JPT1: variants seen among roughly 807,000 people sequenced by gnomAD.
The protein encoded by JPT1 is androgen-regulated protein 2.
A neutral mutation model predicts 17.0 loss-of-function variants in JPT1; 5 were observed. The ratio of observed to expected loss-of-function variants is 0.29; its 90% CI spans 0.15 to 0.62. JPT1 has a LOEUF of 0.62. Among genes scored for constraint, JPT1 ranks in the 20% least tolerant of loss-of-function variants. The pLI is 0.85. For missense variants in JPT1, 158 were observed against 188.1 expected (o/e 0.84, Z 0.94); for synonymous variants, 71 against 73.6 (o/e 0.96, Z 0.18).
At chr17:75,151,736 G>A (rs1304205972) in intron 1 of JPT1, among the ~76,000 whole-genome samples, 4 of 152,218 alleles carry the variant, frequency 2.6e-5, no homozygotes, top group South Asian at 2.1e-4. Context: ...TTGGGAGGCC[G>A]AGGCGGGCGG....
At chr17:75,151,273 C>CT (rs2074548065) in intron 1 of JPT1, among the ~76,000 whole-genome samples, 1 of 150,542 alleles carries the variant, frequency 6.6e-6, no homozygotes, top group African/African-American at 2.4e-5. Flanking sequence ...GAGGCGGAGC[C>CT]TACAGTAAGC....
intron 1 of JPT1, 69 bp downstream of exon 1, chr17:75,154,273 G>C (rs2074600080): frequency 7.8e-7 from 1 of 1,281,108 alleles, no homozygotes; most frequent in Admixed American, 3.1e-5. Context: ...ACCGGCGCGA[G>C]GCCCCGCCGG....
At chr17:75,137,849 T>C (rs2074236738) in intron 4 of JPT1, among the ~76,000 whole-genome samples, 1 of 151,824 alleles carries the variant, frequency 6.6e-6, no homozygotes, top group Non-Finnish European at 1.5e-5. Context: ...GGTTTCGCCA[T>C]GTTGGCCAGG....
rs143070420 is a variant in JPT1, at chr17:75,151,598, G to A, written c.56+2744C>T. 7.8e-3 allele frequency among the ~76,000 whole-genome samples: 1,187 copies of A among 152,138 alleles called. 16 individuals carry two copies. Among genetic ancestry groups the A allele is most frequent in the African/African-American group, 0.027 (1,124 of 41,490 alleles). On this transcript the variant is annotated intron_variant, in intron 1 of 4. Coordinates refer to ENST00000409753, the MANE Select transcript of JPT1 (RefSeq NM_016185.4). Reference sequence around the variant, plus strand: ...AATCGCTTGAACCCGGGAGGCAGAGGTTGCAGTGAGCCAGAGATCATGCCA... The same window carrying A: ...AATCGCTTGAACCCGGGAGGCAGAGATTGCAGTGAGCCAGAGATCATGCCA...
chr17:75,139,029 T>C (rs1398160567), intron 4 of JPT1, among the ~76,000 whole-genome samples: 5 of 152,210 alleles, frequency 3.3e-5, no homozygotes, highest in Non-Finnish European at 7.3e-5. Flanking sequence ...ATTAGTTTCC[T>C]TGGTTACATC....
intron 1 of JPT1, among the ~76,000 whole-genome samples, chr17:75,151,954 A>C (rs1441701913): frequency 6.6e-6 from 1 of 151,608 alleles, no homozygotes; most frequent in Non-Finnish European, 1.5e-5. Flanking sequence ...GGGCAAAAAG[A>C]GCAAAACTGC....
At chr17:75,142,612 AGAGAGGAGGGGAGGG>A in intron 4 of JPT1, 1 of 177,726 alleles carries the variant, frequency 5.6e-6, no homozygotes, top group South Asian at 2.6e-5. Flanking sequence ...GGGAAGGGGG[AGAGAGGAGGGGAGGG>A]AGGGGAGGGA....
chr17:75,144,355 G>GA (rs918744179), intron 4 of JPT1, among the ~76,000 whole-genome samples: 1 of 151,388 alleles, frequency 6.6e-6, no homozygotes, highest in Non-Finnish European at 1.5e-5. Flanking sequence ...TACAAAAAAA[G>GA]AAAAAAAATT....
chr17:75,142,637 AGGGG>A, intron 4 of JPT1: 1 of 200,206 alleles, frequency 5.0e-6, no homozygotes, highest in African/African-American at 1.5e-4. Flanking sequence ...GAGGGGAGGG[AGGGG>A]AGGGGGGGAT....
At chr17:75,147,384 C>A in intron 3 of JPT1, 172 bp downstream of exon 3, 1 of 558,042 alleles carries the variant, frequency 1.8e-6, no homozygotes. Context: ...AGACTGAGAC[C>A]ATGTTAACAC....
intron 4 of JPT1, among the ~76,000 whole-genome samples, chr17:75,137,957 CTTT>C (rs750540514): frequency 2.8e-4 from 42 of 149,354 alleles, no homozygotes; most frequent in Middle Eastern, 3.6e-3. Flanking sequence ...CCTAGTTTTC[CTTT>C]TTTTTCTTTA....
In JPT1 at chr17:75,137,692, T is replaced by C. The variant is rs1287814759; in HGVS notation, c.317-1442A>G. On this transcript the variant is annotated intron_variant, in intron 4 of 4. Coordinates refer to ENST00000409753, the MANE Select transcript of JPT1 (RefSeq NM_016185.4). ...TCACACAGCCTAGTTTTCCTTTTTTTTTTTTTTTTTTTTTTTTTTTGAGAC... is the reference window on the plus strand; with the variant it reads ...TCACACAGCCTAGTTTTCCTTTTTTCTTTTTTTTTTTTTTTTTTTTGAGAC... Among the ~76,000 whole-genome samples, 120 of 44,848 alleles carry C rather than the reference T, an allele frequency of 2.7e-3. 1 individual carries two copies. The highest frequency in any genetic ancestry group is 4.5e-3 in the African/African-American group (106 of 23,366). The allele number at this position is 44,848 out of a possible 152,430, so 29.4% of individuals were successfully genotyped here.
At chr17:75,137,504 G>A (rs986460321) in intron 4 of JPT1, among the ~76,000 whole-genome samples, 1 of 150,200 alleles carries the variant, frequency 6.7e-6, no homozygotes, top group East Asian at 1.9e-4. Flanking sequence ...CTACAGGCGC[G>A]CACCACCACA....
chr17:75,139,857 C>T (rs1416605858), intron 4 of JPT1, among the ~76,000 whole-genome samples: 1 of 152,094 alleles, frequency 6.6e-6, no homozygotes, highest in Non-Finnish European at 1.5e-5. Flanking sequence ...AGTACTCCAC[C>T]CACAGAGGAG....
At chr17:75,150,453 A>T (rs1174453891) in intron 1 of JPT1, among the ~76,000 whole-genome samples, 2 of 152,144 alleles carry the variant, frequency 1.3e-5, no homozygotes, top group East Asian at 1.9e-4. Flanking sequence ...GGGTTTCGCC[A>T]TGTTGGCCAG....
intron 1 of JPT1, chr17:75,153,037 T>C (rs1197446420): frequency 6.6e-6 from 1 of 152,206 alleles, no homozygotes; most frequent in Non-Finnish European, 1.5e-5. Context: ...CCCTGTGAGA[T>C]ATGGCTATTT....
intron 1 of JPT1, among the ~76,000 whole-genome samples, chr17:75,150,520 G>A (rs2074528284): frequency 6.6e-6 from 1 of 151,982 alleles, no homozygotes; most frequent in Non-Finnish European, 1.5e-5. Flanking sequence ...CCAAAGTGCT[G>A]GGATTACAGG....
chr17:75,145,472 A>C (rs1406049587), intron 4 of JPT1: 1 of 152,212 alleles, frequency 6.6e-6, no homozygotes, highest in Non-Finnish European at 1.5e-5. Context: ...CAATGATTAC[A>C]GCTCATTTCC....
intron 1 of JPT1, 150 bp downstream of exon 1, chr17:75,154,192 C>T: frequency 2.4e-6 from 1 of 413,138 alleles, no homozygotes; most frequent in Non-Finnish European, 3.8e-6. Flanking sequence ...GGCACAAAGG[C>T]GGCGCCGACG....
Sources: allele counts gnomAD v4.1 joint callset (sites outside exome capture counted in the v4.1 genomes callset), GRCh38; gene constraint gnomAD v4.1.1; transcripts MANE v1.5; gene names NCBI Gene and HGNC (gene_info 2026-07-23, HGNC 2026-07-21).